ANKRD11: variants seen among roughly 807,000 people sequenced by gnomAD.
The protein encoded by ANKRD11 is ankyrin repeat domain 11.
In ANKRD11, 17 loss-of-function variants were observed where a neutral mutation model predicts 195.7. That is an observed-to-expected ratio of 0.09 (90% CI 0.06 to 0.13). ANKRD11 has a LOEUF of 0.13. Among genes scored for constraint, ANKRD11 ranks in the 10% least tolerant of loss-of-function variants. The pLI is 1.00. For missense variants in ANKRD11, 3,735 were observed against 3,566.1 expected (o/e 1.05, Z -1.21); for synonymous variants, 1,953 against 1,528.1 (o/e 1.28, Z -6.49).
intron 2 of ANKRD11, among the ~76,000 whole-genome samples, chr16:89,401,211 A>G (rs2041671049): frequency 6.6e-6 from 1 of 150,550 alleles, no homozygotes; most frequent in Middle Eastern, 3.5e-3. Context: ...CTCCTGCCTC[A>G]GCCTTCCAAG....
chr16:89,307,021 A>G (rs1271447919), intron 3 of ANKRD11, among the ~76,000 whole-genome samples: 1 of 131,388 alleles, frequency 7.6e-6, no homozygotes, highest in Non-Finnish European at 1.6e-5. Context: ...GGGAGGGGGC[A>G]GTGTGACACA....
intron 1 of ANKRD11, among the ~76,000 whole-genome samples, chr16:89,463,263 C>T (rs1198390499): frequency 6.6e-6 from 1 of 152,124 alleles, no homozygotes; most frequent in Non-Finnish European, 1.5e-5. Context: ...ATTGAGAAAT[C>T]GGATGGTTGC....
chr16:89,361,910 C>G (rs1241141556), intron 2 of ANKRD11, among the ~76,000 whole-genome samples: 1 of 152,196 alleles, frequency 6.6e-6, no homozygotes, highest in Non-Finnish European at 1.5e-5. Flanking sequence ...CAGTAAAGGT[C>G]AGACGGGGCA....
At chr16:89,328,817 C>A (rs2037885974) in intron 2 of ANKRD11, 1 of 147,510 alleles carries the variant, frequency 6.8e-6, no homozygotes, top group South Asian at 2.2e-4. Context: ...AGCGGAGGCC[C>A]CTGCTGAGTG....
intron 2 of ANKRD11, among the ~76,000 whole-genome samples, chr16:89,341,903 C>CGA (rs1567673671): frequency 6.5e-3 from 346 of 53,204 alleles, no homozygotes; most frequent in Middle Eastern, 0.01. Context: ...CACCTCCACC[C>CGA]ACAGCGGCCA....
At chr16:89,270,773 A>C in intron 12 of ANKRD11, 44 bp downstream of exon 12, 1 of 1,597,950 alleles carries the variant, frequency 6.3e-7, no homozygotes, top group African/African-American at 1.3e-5. Flanking sequence ...AGAACTGGGC[A>C]GCAGCCTCCC....
At chr16:89,469,999 G>A (rs1471511078) in intron 1 of ANKRD11, among the ~76,000 whole-genome samples, 3 of 151,132 alleles carry the variant, frequency 2.0e-5, no homozygotes, top group Admixed American at 6.6e-5. Flanking sequence ...TCCACTTCCC[G>A]GGTTCACGCC....
At chr16:89,441,538 C>A (rs551695649) in intron 1 of ANKRD11, among the ~76,000 whole-genome samples, 2 of 152,012 alleles carry the variant, frequency 1.3e-5, no homozygotes, top group East Asian at 1.9e-4. Context: ...GAGGCCAAGG[C>A]GGGCGGATCA....
At chr16:89,431,524 T>C (rs1285183996) in intron 1 of ANKRD11, among the ~76,000 whole-genome samples, 1 of 152,178 alleles carries the variant, frequency 6.6e-6, no homozygotes, top group Non-Finnish European at 1.5e-5. Context: ...TCATCTAGCA[T>C]GGTCTCGCAG....
At chr16:89,367,311 C>A (rs2039990412) in intron 2 of ANKRD11, among the ~76,000 whole-genome samples, 1 of 152,254 alleles carries the variant, frequency 6.6e-6, no homozygotes, top group Admixed American at 6.5e-5. Flanking sequence ...CCCAGCAGTA[C>A]CGGGAGCCCC....
chr16:89,451,122 A>C (rs1314670599), intron 1 of ANKRD11, among the ~76,000 whole-genome samples: 1 of 152,190 alleles, frequency 6.6e-6, no homozygotes, highest in Non-Finnish European at 1.5e-5. Flanking sequence ...AAAGTTCTTT[A>C]CCACTTGGTC....
chr16:89,338,571 A>C (rs2151988217), intron 2 of ANKRD11, among the ~76,000 whole-genome samples: 1 of 151,978 alleles, frequency 6.6e-6, no homozygotes, highest in Non-Finnish European at 1.5e-5. Flanking sequence ...CTAAAAATAC[A>C]AAAATTAGCT....
chr16:89,474,680 CAG>C (rs1567855918), intron 1 of ANKRD11, among the ~76,000 whole-genome samples: 1 of 152,114 alleles, frequency 6.6e-6, no homozygotes, highest in Non-Finnish European at 1.5e-5. Flanking sequence ...CTCCCAAGCT[CAG>C]AGAGACTCCG....
At position 89,284,076 on chromosome 16, in the gene ANKRD11, C is replaced by G. The variant is rs562106468; in HGVS notation, c.2466G>C (p.Gln822His). The G allele has an allele frequency of 7.4e-6, 12 of 1,614,106 alleles. No homozygotes were observed. In the South Asian group the frequency reaches 1.3e-4, roughly 18 times the overall value. Residue 822 changes from glutamine to histidine, a missense_variant, in exon 9 of 13, where the codon CAG becomes CAC. Physicochemically the swap from Gln to His is conservative, Grantham distance 24 (BLOSUM62 0). Transcript: ENST00000301030. ...ATTTGGTGTCTTCATTCTCCAGAAA[C>G]TGATTTTTGTTACAATATTCGTCAA... ...SAFDEYCNKN[Q>H]FLENEDTKFS...
At chr16:89,459,480 G>A (rs1468377432) in intron 1 of ANKRD11, 1 of 152,118 alleles carries the variant, frequency 6.6e-6, no homozygotes, top group Non-Finnish European at 1.5e-5. Flanking sequence ...TTCTTTTTGA[G>A]CCACGACACC....
At chr16:89,394,225 T>C (rs2041326751) in intron 2 of ANKRD11, among the ~76,000 whole-genome samples, 1 of 152,202 alleles carries the variant, frequency 6.6e-6, no homozygotes. Context: ...ATGGGCACGT[T>C]CTGGGACTGC....
chr16:89,273,741 C>T (rs1318088394), intron 11 of ANKRD11, among the ~76,000 whole-genome samples: 1 of 151,974 alleles, frequency 6.6e-6, no homozygotes, highest in East Asian at 1.9e-4. Flanking sequence ...ATATGAGAGA[C>T]ATTGATAAAA....
intron 2 of ANKRD11, among the ~76,000 whole-genome samples, chr16:89,408,951 T>C (rs1328080504): frequency 5.3e-5 from 8 of 151,838 alleles, no homozygotes; most frequent in East Asian, 1.9e-4. Context: ...CGCTGTGGAG[T>C]GCGGTTTCTA....
rs1597467619 is a variant in ANKRD11 at position 89,285,888 on chromosome 16, C to T, written c.892+151G>A. 1 of 1,255,446 alleles carries T rather than the reference C, an allele frequency of 8.0e-7. No individual in the cohort carries two copies. Among genetic ancestry groups the T allele is most frequent in the Admixed American group, 1.9e-5 (1 of 52,566 alleles). The allele number at this position is 1,255,446 out of a possible 1,614,324, so 77.8% of individuals were successfully genotyped here. ...TGCAGGCTTCTCGGCAGTGACACAC[C>T]TGGGCGGGGTCTCCCGCAGTCCAGA... On this transcript the variant is annotated intron_variant, in intron 8 of 12. Transcript: ENST00000301030. This position sits in a 1 kb window ranked among gnomAD's most constrained non-coding sequence, Gnocchi z 5.6.
Sources: gnomAD v4.1 joint callset for allele counts (sites outside exome capture counted in the v4.1 genomes callset) on GRCh38, gnomAD v4.1.1 for gene constraint, Gnocchi (gnomAD v3.1) non-coding constraint, MANE v1.5 for transcripts, NCBI Gene and HGNC (gene_info 2026-07-23, HGNC 2026-07-21) for gene names.